Variants in TRMT11 observed in about 807,000 individuals in gnomAD.
TRMT11 encodes the protein tRNA (guanine(10)-N(2))-methyltransferase TRMT11.
In TRMT11, 53 loss-of-function variants were observed where a neutral mutation model predicts 62.8. That is an observed-to-expected ratio of 0.84 (90% CI 0.68 to 1.06). TRMT11 has a LOEUF of 1.06. Ranked by LOEUF, TRMT11 falls within the 50% of genes least tolerant of loss-of-function variation. The probability of loss-of-function intolerance (pLI) is 0.00; values close to 1 mark genes in which losing one functional copy is unlikely to be tolerated. For missense variants in TRMT11, 556 were observed against 553.4 expected (o/e 1.00, Z -0.05); for synonymous variants, 188 against 190.3 (o/e 0.99, Z 0.10).
At chr6:126,219,175 C>T in the TRMT11 span, among the ~76,000 whole-genome samples, 2 of 152,094 alleles carry the variant, frequency 1.3e-5, no homozygotes, top group Non-Finnish European at 2.9e-5. Context: ...TGTGATGGCT[C>T]CCCTGATTTT....
At chr6:126,103,923 A>G (rs1777432760) in intron 17 of TRMT11, among the ~76,000 whole-genome samples, 1 of 152,178 alleles carries the variant, frequency 6.6e-6, no homozygotes, top group African/African-American at 2.4e-5. Context: ...GGGTTATACA[A>G]GGGCATGAAC....
At chr6:126,247,483 A>ATCTATCTG in the TRMT11 span, among the ~76,000 whole-genome samples, 2 of 143,270 alleles carry the variant, frequency 1.4e-5, no homozygotes, top group African/African-American at 5.3e-5. Context: ...CTATCTATCT[A>ATCTATCTG]TCTATCTAAA....
the TRMT11 span, among the ~76,000 whole-genome samples, chr6:126,216,307 T>A: frequency 1.1e-4 from 16 of 152,156 alleles, no homozygotes; most frequent in Non-Finnish European, 1.5e-4. Context: ...AGTTTTTCTA[T>A]GTTTTTGATG....
chr6:126,181,679 C>T (rs1374942566), intron 1 of TRMT11, among the ~76,000 whole-genome samples: 1 of 152,122 alleles, frequency 6.6e-6, no homozygotes, highest in Admixed American at 6.6e-5. Context: ...TAATAGAAAA[C>T]ATTGTCAGCC....
the TRMT11 span, among the ~76,000 whole-genome samples, chr6:126,264,843 C>A: frequency 1.3e-5 from 2 of 152,064 alleles, no homozygotes; most frequent in African/African-American, 2.4e-5. Flanking sequence ...ATTTTGGATT[C>A]ATCAAGCCAA....
intron 1 of TRMT11, among the ~76,000 whole-genome samples, chr6:125,987,415 A>G (rs1457141022): frequency 1.3e-5 from 2 of 152,240 alleles, no homozygotes; most frequent in South Asian, 4.1e-4. Flanking sequence ...TATGTGGCAG[A>G]GTGGTAAGAA....
intron 12 of TRMT11, among the ~76,000 whole-genome samples, chr6:126,038,437 C>CAAAAA (rs72178194): frequency 3.5e-4 from 45 of 129,238 alleles, no homozygotes; most frequent in African/African-American, 1.2e-3. Flanking sequence ...TGCCCTGAGG[C>CAAAAA]AAAAAAAAAA....
chr6:126,020,146 T>G (rs1257366289), intron 11 of TRMT11, among the ~76,000 whole-genome samples: 1 of 152,208 alleles, frequency 6.6e-6, no homozygotes. Context: ...TTAAAACAGG[T>G]AGCTGAGATT....
At chr6:126,136,875 C>T (rs1021339387) in intron 21 of TRMT11, among the ~76,000 whole-genome samples, 17 of 150,866 alleles carry the variant, frequency 1.1e-4, no homozygotes, top group East Asian at 5.8e-4. Flanking sequence ...CAAGAATATA[C>T]GCTGGGGGAA....
chr6:125,995,727 C>T (rs2128751139), intron 2 of TRMT11, among the ~76,000 whole-genome samples: 1 of 152,212 alleles, frequency 6.6e-6, no homozygotes, highest in Admixed American at 6.5e-5. Flanking sequence ...AGGGCAGATA[C>T]AAAATTAATG....
At chr6:126,162,869 TTG>T (rs964752150) in intron 21 of TRMT11, among the ~76,000 whole-genome samples, 23 of 152,296 alleles carry the variant, frequency 1.5e-4, no homozygotes, top group Admixed American at 9.2e-4. Flanking sequence ...TGTATATTAT[TTG>T]TGTATAGGAA....
the TRMT11 span, among the ~76,000 whole-genome samples, chr6:126,236,171 T>C: frequency 6.6e-6 from 1 of 152,232 alleles, no homozygotes; most frequent in Non-Finnish European, 1.5e-5. Context: ...TGACATTGTA[T>C]AGGAGATAGC....
chr6:126,054,632 A>T (rs891604713), intron 17 of TRMT11, among the ~76,000 whole-genome samples: 1 of 152,248 alleles, frequency 6.6e-6, no homozygotes, highest in African/African-American at 2.4e-5. Context: ...CTTATCTCCA[A>T]GGCAAAATAC....
At chr6:126,237,355 C>A in the TRMT11 span, among the ~76,000 whole-genome samples, 1 of 152,050 alleles carries the variant, frequency 6.6e-6, no homozygotes, top group African/African-American at 2.4e-5. Context: ...CTTTATCCAC[C>A]CCCTAGCAGA....
At chr6:126,147,476 C>A (rs544077459) in intron 21 of TRMT11, among the ~76,000 whole-genome samples, 1 of 152,224 alleles carries the variant, frequency 6.6e-6, no homozygotes, top group South Asian at 2.1e-4. Context: ...GTTTATATTC[C>A]TAGAGACAAC....
At chr6:126,270,143 G>T in the TRMT11 span, among the ~76,000 whole-genome samples, 3 of 152,178 alleles carry the variant, frequency 2.0e-5, no homozygotes, top group Non-Finnish European at 2.9e-5. Flanking sequence ...AGGGGAAAAA[G>T]AACTAATCCA....
Position 126,151,935 on chromosome 6 carries a change from C to CTT in TRMT11, c.*1824-22888_*1824-22887dup, listed in dbSNP as rs1281510907. Among the ~76,000 whole-genome samples the CTT allele has an allele frequency of 3.6e-3, 344 of 94,804 alleles. 24 individuals carry two copies. The highest frequency in any genetic ancestry group is 0.016 in the African/African-American group (307 of 19,752). 62.2% of individuals were successfully genotyped at this position (94,804 alleles called of 152,430 possible). ...TCTTTCTTTCTTTCTTTCTTTCTTT[C>CTT]TTTCTTTCTTTTCTTTCTTTCTTTT... On this transcript the variant is annotated intron_variant and NMD_transcript_variant, in intron 21 of 22. Coordinates refer to the TRMT11 transcript ENST00000648977.
In TRMT11 at chr6:126,038,976, AT is replaced by A; in HGVS notation, c.*141del. 1.5e-6 allele frequency: 1 copy of A among 683,926 alleles called. No homozygotes were observed. Among genetic ancestry groups the A allele is most frequent in the Non-Finnish European group, 2.3e-6 (1 of 437,214 alleles). The allele number at this position is 683,926 out of a possible 1,614,324, so 42.4% of individuals were successfully genotyped here. A position where few individuals can be genotyped will look rare whatever the true frequency, so the allele number is the denominator to read the frequency against. Reference sequence around the variant, plus strand: ...GAAAAGCTACAAAGTAAATTGAGCAATGCTTTTAAAGTTATCTTTGTTTTAT... The same window carrying A: ...GAAAAGCTACAAAGTAAATTGAGCAAGCTTTTAAAGTTATCTTTGTTTTAT... On this transcript the variant is annotated 3_prime_UTR_variant, in exon 13 of 13. Coordinates refer to ENST00000334379, the MANE Select transcript of TRMT11 (RefSeq NM_001031712.3).
downstream of TRMT11, among the ~76,000 whole-genome samples, chr6:126,204,174 A>G (rs765596076): frequency 2.7e-4 from 41 of 152,236 alleles, no homozygotes; most frequent in Non-Finnish European, 4.7e-4. Flanking sequence ...TTTTCTTCCC[A>G]TTACAGATAT....
Sources: allele counts gnomAD v4.1 joint callset (sites outside exome capture counted in the v4.1 genomes callset), GRCh38; gene constraint gnomAD v4.1.1; transcripts MANE v1.5; gene names NCBI Gene and HGNC (gene_info 2026-07-23, HGNC 2026-07-21).